Variants in CAMTA1 observed in about 807,000 individuals in gnomAD.
CAMTA1 encodes the protein calmodulin-binding transcription activator 1.
Under a neutral mutation model 170.9 loss-of-function variants are expected in CAMTA1, and 27 were observed. The ratio of observed to expected loss-of-function variants is 0.16; its 90% CI spans 0.12 to 0.22. CAMTA1 has a LOEUF of 0.22. Ranked by LOEUF, CAMTA1 falls within the 10% of genes least tolerant of loss-of-function variation. The probability of loss-of-function intolerance (pLI) is 1.00; values close to 1 mark genes in which losing one functional copy is unlikely to be tolerated. For synonymous variants in CAMTA1, 833 were observed against 891.5 expected, an observed-to-expected ratio of 0.93 and a Z score of 1.17; for missense variants, 1,619 against 2,217.2, an observed-to-expected ratio of 0.73 and a Z score of 5.42.
intron 5 of CAMTA1, among the ~76,000 whole-genome samples, chr1:7,317,679 G>A (rs974567428): frequency 3.3e-5 from 5 of 152,208 alleles, no homozygotes; most frequent in South Asian, 2.1e-4. Flanking sequence ...ACATCCACAC[G>A]CAGGTGTCCT....
rs1254544721 is a variant in CAMTA1, at chr1:7,186,104, C to G, written c.303-63387C>G. Among the ~76,000 whole-genome samples the G allele has an allele frequency of 2.0e-5, 3 of 151,916 alleles. No individual in the cohort carries two copies. The East Asian group carries it at 5.8e-4, about 29-fold the overall frequency. ...GGCTTTGCCTTACTCTAAAACAGTT[C>G]AGAAAACAATGTGTATGTGGGGATA... On this transcript the variant is annotated intron_variant, in intron 4 of 22. Coordinates refer to ENST00000303635, the MANE Select transcript of CAMTA1 (RefSeq NM_015215.4).
intron 5 of CAMTA1, among the ~76,000 whole-genome samples, chr1:7,364,433 G>T (rs551294506): frequency 4.9e-4 from 69 of 141,734 alleles, no homozygotes; most frequent in Admixed American, 8.2e-4. Context: ...GGGCACACAG[G>T]TTCCCTTGTG....
intron 11 of CAMTA1, among the ~76,000 whole-genome samples, chr1:7,721,977 G>A (rs1187440873): frequency 6.6e-6 from 1 of 152,170 alleles, no homozygotes; most frequent in Non-Finnish European, 1.5e-5. Context: ...ATCTCCTGGT[G>A]TATTGCTCAG....
At chr1:6,909,316 C>T (rs925795849) in intron 3 of CAMTA1, among the ~76,000 whole-genome samples, 4 of 152,192 alleles carry the variant, frequency 2.6e-5, no homozygotes, top group Admixed American at 1.3e-4. Flanking sequence ...GAATTACTTC[C>T]GAATACTTGT....
chr1:7,723,203 GGAAAT>G (rs1245489427), intron 11 of CAMTA1, among the ~76,000 whole-genome samples: 1 of 152,096 alleles, frequency 6.6e-6, no homozygotes. Context: ...TTGGCACAGG[GGAAAT>G]GAGAGATGAA....
intron 5 of CAMTA1, among the ~76,000 whole-genome samples, chr1:7,250,209 G>A (rs1666410113): frequency 6.6e-6 from 1 of 152,216 alleles, no homozygotes; most frequent in African/African-American, 2.4e-5. Flanking sequence ...GGTAAAGACT[G>A]GTTTCCTTGC....
chr1:7,589,706 G>A (rs1189647775), intron 6 of CAMTA1, among the ~76,000 whole-genome samples: 1 of 152,214 alleles, frequency 6.6e-6, no homozygotes, highest in African/African-American at 2.4e-5. Context: ...GAGGCTGGAT[G>A]AGGCCTCTGG....
intron 5 of CAMTA1, among the ~76,000 whole-genome samples, chr1:7,352,698 G>A (rs2149898469): frequency 6.6e-6 from 1 of 152,366 alleles, no homozygotes; most frequent in Admixed American, 6.5e-5. Flanking sequence ...CTCTGTGAGT[G>A]CAGAGGGCCT....
At chr1:7,691,494 C>T (rs1247482922) in intron 11 of CAMTA1, among the ~76,000 whole-genome samples, 1 of 152,128 alleles carries the variant, frequency 6.6e-6, no homozygotes, top group Non-Finnish European at 1.5e-5. Flanking sequence ...GAGGGGAGAC[C>T]AGGAAATCAT....
chr1:7,198,976 A>G (rs1235434978), intron 4 of CAMTA1, among the ~76,000 whole-genome samples: 1 of 152,080 alleles, frequency 6.6e-6, no homozygotes, highest in Non-Finnish European at 1.5e-5. Context: ...CTCCCAGTTG[A>G]CATATTGTGT....
intron 5 of CAMTA1, among the ~76,000 whole-genome samples, chr1:7,416,154 T>A (rs1309275783): frequency 1.3e-5 from 2 of 152,246 alleles, no homozygotes; most frequent in Non-Finnish European, 2.9e-5. Context: ...GGCTTCCCTT[T>A]GTGGGTAACC....
In CAMTA1 at chr1:7,671,561, G is replaced by A. The variant is rs183636528; in HGVS notation, c.2779+524G>A. On this transcript the variant is annotated intron_variant, in intron 10 of 22. Coordinates refer to ENST00000303635, the MANE Select transcript of CAMTA1 (RefSeq NM_015215.4). ...CAGAAGGCTGGAGAAAGCCTGGCAG[G>A]GGCGGAGGGAGATGGGGTGGTGATG... 2.6e-5 allele frequency among the ~76,000 whole-genome samples: 4 copies of A among 152,370 alleles called. No homozygotes were observed. The East Asian group carries it at 7.7e-4, about 29-fold the overall frequency.
intron 6 of CAMTA1, among the ~76,000 whole-genome samples, chr1:7,542,083 G>T (rs114597676): frequency 1.3e-5 from 2 of 151,864 alleles, no homozygotes; most frequent in Non-Finnish European, 2.9e-5. Flanking sequence ...AGGCAAACAG[G>T]CTCATTATAA....
chr1:6,830,747 CCTCCAAAATCAAGACACGGCACATTT>C (rs1275455207), intron 3 of CAMTA1, among the ~76,000 whole-genome samples: 17 of 152,118 alleles, frequency 1.1e-4, no homozygotes, highest in Non-Finnish European at 2.4e-4. Context: ...GGTGAAACTA[CCTCCAAAATCAAGACACGGCACATTT>C]CTATCACCCC....
intron 3 of CAMTA1, among the ~76,000 whole-genome samples, chr1:7,083,532 C>T (rs1985215): frequency 0.5 from 75,181 of 151,868 alleles, 19,602 homozygotes; most frequent in South Asian, 0.63. Context: ...AATGTTCAGA[C>T]GGGAGCCCTG....
chr1:6,796,433 G>A (rs967727410), intron 1 of CAMTA1, among the ~76,000 whole-genome samples: 2 of 152,076 alleles, frequency 1.3e-5, no homozygotes, highest in African/African-American at 2.4e-5. Flanking sequence ...CCACTGAGCT[G>A]GCCTAAAGTA....
intron 5 of CAMTA1, among the ~76,000 whole-genome samples, chr1:7,285,140 G>A (rs943836526): frequency 1.3e-5 from 2 of 152,208 alleles, no homozygotes; most frequent in Non-Finnish European, 2.9e-5. Flanking sequence ...AGGGATCCAA[G>A]GATAGATTGT....
Position 7,249,688 on chromosome 1 carries a change from G to A in CAMTA1, c.438+62G>A, listed in dbSNP as rs1666332742. On this transcript the variant is annotated intron_variant, in intron 5 of 22. Transcript: ENST00000303635. The surrounding 1 kb of genome is among the most constrained non-coding windows in gnomAD (Gnocchi z 4.4). Reference sequence around the variant, plus strand: ...TCATTTGCAGGCTGCAGTGGAGAATGGAATTGCTTGGAGTAATTTGATGCG... The same window carrying A: ...TCATTTGCAGGCTGCAGTGGAGAATAGAATTGCTTGGAGTAATTTGATGCG... 2 of 1,568,746 alleles carry A rather than the reference G, an allele frequency of 1.3e-6. No homozygotes were observed. Among genetic ancestry groups the A allele is most frequent in the African/African-American group, 1.4e-5 (1 of 73,580 alleles).
At chr1:7,704,710 TCGGGCAG>T (rs2096487798) in intron 11 of CAMTA1, among the ~76,000 whole-genome samples, 1 of 147,358 alleles carries the variant, frequency 6.8e-6, no homozygotes, top group Non-Finnish European at 1.5e-5. Flanking sequence ...GGCGGCGCAC[TCGGGCAG>T]TGGCGGGGAG....
Sources: gnomAD v4.1 joint callset for allele counts (sites outside exome capture counted in the v4.1 genomes callset) on GRCh38, gnomAD v4.1.1 for gene constraint, Gnocchi (gnomAD v3.1) non-coding constraint, MANE v1.5 for transcripts, NCBI Gene and HGNC (gene_info 2026-07-23, HGNC 2026-07-21) for gene names.